Variants in CCNB2 observed in about 807,000 individuals in gnomAD.
The protein encoded by CCNB2 is cyclin B2, also known as G2/mitotic-specific cyclin-B2.
CCNB2 carries 39 observed loss-of-function variants against 51.1 expected under a neutral mutation model. The observed-to-expected ratio is 0.76, with a 90% confidence interval of 0.59 to 1.00. The LOEUF (loss-of-function observed/expected upper bound fraction) is 1.00. Ranked by LOEUF, CCNB2 falls within the 50% of genes least tolerant of loss-of-function variation. The pLI is 0.00. For synonymous variants in CCNB2, 174 were observed against 165.5 expected, an observed-to-expected ratio of 1.05 and a Z score of -0.40; for missense variants, 472 against 470.3, an observed-to-expected ratio of 1.00 and a Z score of -0.03.
chr15:59,116,398 T>C (rs1198269100), intron 5 of CCNB2, among the ~76,000 whole-genome samples: 4 of 152,242 alleles, frequency 2.6e-5, no homozygotes, highest in African/African-American at 9.6e-5. Context: ...GCATGGTGTC[T>C]GAATCTGTTC....
intron 7 of CCNB2, chr15:59,121,031 G>A (rs1489765575): frequency 3.6e-5 from 5 of 139,830 alleles, no homozygotes; most frequent in Non-Finnish European, 7.9e-5. Flanking sequence ...GAACTGCCTC[G>A]ATGCTTAAAA....
chr15:59,114,638 T>C (rs778079480), intron 4 of CCNB2, 24 bp downstream of exon 4: 4 of 1,585,144 alleles, frequency 2.5e-6, no homozygotes, highest in Admixed American at 3.5e-5. Flanking sequence ...TGTGTTTTGG[T>C]TGTATAAGCA....
chr15:59,123,503 T>A lies in CCNB2; in HGVS notation c.976-14T>A. ...CCCTCAGTCATGTCTGTCTGTCTGC[T>A]TCTTGTGTTTCAGAACTTAAAGCAG... On this transcript the variant is annotated splice_polypyrimidine_tract_variant and intron_variant, in intron 7 of 8. Coordinates refer to ENST00000288207, the MANE Select transcript of CCNB2 (RefSeq NM_004701.4). The A allele has an allele frequency of 6.6e-7, 1 of 1,522,140 alleles. No individual in the cohort carries two copies. Among genetic ancestry groups the A allele is most frequent in the Non-Finnish European group, 9.1e-7 (1 of 1,096,476 alleles). 94.3% of individuals were successfully genotyped at this position (1,522,140 alleles called of 1,614,324 possible).
chr15:59,117,394 T>C (rs150819267), intron 7 of CCNB2, 26 bp downstream of exon 7: 1 of 1,606,216 alleles, frequency 6.2e-7, no homozygotes, highest in Non-Finnish European at 8.5e-7. Context: ...AAGAAGAAAC[T>C]AATTAGGCTA....
At position 59,116,753 on chromosome 15, in the gene CCNB2, A is replaced by G; in HGVS notation, c.661A>G (p.Lys221Glu). Reference protein sequence around the residue: ...VGITALLLASKYEEMFSPNIE... With the variant: ...VGITALLLASEYEEMFSPNIE... Reference sequence around the variant, plus strand: ...GATTACTGCTCTGCTCTTGGCTTCCAAGTATGAGGAGATGTTTTCTCCAAA... The same window carrying G: ...GATTACTGCTCTGCTCTTGGCTTCCGAGTATGAGGAGATGTTTTCTCCAAA... Residue 221 changes from lysine (K) to glutamate (E), a missense_variant, in exon 6 of 9, where the codon AAG becomes GAG. Lys to Glu is a moderately conservative substitution (Grantham distance 56, BLOSUM62 1). Transcript: ENST00000288207. The G allele has an allele frequency of 1.2e-6, 2 of 1,613,486 alleles. No homozygotes were observed. Among genetic ancestry groups the G allele is most frequent in the Non-Finnish European group, 1.7e-6 (2 of 1,180,024 alleles).
chr15:59,122,239 A>ATCTTTTTT (rs2079305506), intron 7 of CCNB2, among the ~76,000 whole-genome samples: 1 of 97,442 alleles, frequency 1.0e-5, no homozygotes, highest in Non-Finnish European at 2.1e-5. Flanking sequence ...CAGTTGACAT[A>ATCTTTTTT]TCTTTTTTTT....
At chr15:59,107,221 G>T in intron 1 of CCNB2, 101 bp from the exon 2 acceptor site, 1 of 1,042,430 alleles carries the variant, frequency 9.6e-7, no homozygotes, top group African/African-American at 1.6e-5. Context: ...AGATCTTGAC[G>T]TATTGTCCTT....
chr15:59,110,079 A>G (rs1266698805), intron 3 of CCNB2, among the ~76,000 whole-genome samples: 2 of 152,116 alleles, frequency 1.3e-5, no homozygotes, highest in Non-Finnish European at 2.9e-5. Context: ...AGAAGAAAAG[A>G]AGGCTTTTTT....
At chr15:59,118,126 A>C (rs578168498) in intron 7 of CCNB2, among the ~76,000 whole-genome samples, 24 of 152,388 alleles carry the variant, frequency 1.6e-4, no homozygotes, top group African/African-American at 5.3e-4. Flanking sequence ...AAGACAAAGG[A>C]AGGCCAAGGC....
chr15:59,120,882 C>CAA (rs2079299198), intron 7 of CCNB2, among the ~76,000 whole-genome samples: 1 of 152,186 alleles, frequency 6.6e-6, no homozygotes, highest in Admixed American at 6.5e-5. Flanking sequence ...CTCAGCATTA[C>CAA]CACTGGCAGA....
chr15:59,109,734 C>T (rs1291984740), intron 3 of CCNB2, among the ~76,000 whole-genome samples: 2 of 152,234 alleles, frequency 1.3e-5, no homozygotes, highest in Admixed American at 1.3e-4. Flanking sequence ...CGCCTGTAAT[C>T]CCAGCACTTT....
chr15:59,118,550 G>T (rs1403634305), intron 7 of CCNB2, among the ~76,000 whole-genome samples: 1 of 152,208 alleles, frequency 6.6e-6, no homozygotes, highest in Non-Finnish European at 1.5e-5. Context: ...CAGGCATGGT[G>T]GCAGCTGCCT....
At chr15:59,105,389 C>A in intron 1 of CCNB2, 97 bp downstream of exon 1, 1 of 1,363,900 alleles carries the variant, frequency 7.3e-7, no homozygotes, top group Non-Finnish European at 1.0e-6. Context: ...CCGTCCCAAC[C>A]GGGGCTGCTT....
rs549813074 is a variant in CCNB2, at chr15:59,110,842, A to G, written c.267+3172A>G. ...AGAAAATGGTGTTTTTTGCTGATTA[A>G]TGAGGCTTTGGTAAACACAGTAGTT... On this transcript the variant is annotated intron_variant, in intron 3 of 8. Coordinates refer to ENST00000288207, the MANE Select transcript of CCNB2 (RefSeq NM_004701.4). Among the ~76,000 whole-genome samples the G allele has an allele frequency of 3.3e-5, 5 of 152,276 alleles. No individual in the cohort carries two copies. The South Asian group carries it at 6.2e-4, about 19-fold the overall frequency.
At chr15:59,112,602 C>A (rs2140287152) in intron 3 of CCNB2, among the ~76,000 whole-genome samples, 1 of 152,010 alleles carries the variant, frequency 6.6e-6, no homozygotes, top group African/African-American at 2.4e-5. Flanking sequence ...ACCTTGGCCT[C>A]CCAAAGTGCT....
At chr15:59,122,184 T>G (rs1431736525) in intron 7 of CCNB2, among the ~76,000 whole-genome samples, 2 of 151,420 alleles carry the variant, frequency 1.3e-5, no homozygotes. Context: ...GAAAAAAACG[T>G]ACTTTCGCTT....
At chr15:59,123,452 C>T (rs2079311724) in intron 7 of CCNB2, 65 bp from the exon 8 acceptor site, 2 of 884,630 alleles carry the variant, frequency 2.3e-6, no homozygotes, top group South Asian at 2.8e-5. Flanking sequence ...ATGTGTTCTT[C>T]TAAAGAAGCA....
At chr15:59,112,959 G>A (rs1178454829) in intron 3 of CCNB2, among the ~76,000 whole-genome samples, 3 of 151,724 alleles carry the variant, frequency 2.0e-5, no homozygotes, top group Admixed American at 6.6e-5. Flanking sequence ...GCGTGAACCC[G>A]GGAGGCGGAG....
Position 59,107,444 on chromosome 15 carries a change from A to G in CCNB2, c.147A>G (p.Val49=). The change falls in exon 2 of 9, where the codon GTA becomes GTG. Residue 49 remains valine (V), a synonymous_variant. Coordinates refer to ENST00000288207, the MANE Select transcript of CCNB2 (RefSeq NM_004701.4). ...GNRVTTRAAQ[V]AKKAQNTKVP... is the part of the protein sequence containing the mutation. ...GAGTTACAACCAGAGCAGCACAAGT[A>G]GCTAAGGTAACAATGATGAAGACTG... 6.2e-7 allele frequency: 1 copy of G among 1,614,166 alleles called. No homozygotes were observed. Among genetic ancestry groups the G allele is most frequent in the Non-Finnish European group, 8.5e-7 (1 of 1,180,024 alleles).
Sources: allele counts gnomAD v4.1 joint callset (sites outside exome capture counted in the v4.1 genomes callset), GRCh38; gene constraint gnomAD v4.1.1; transcripts MANE v1.5; gene names NCBI Gene and HGNC (gene_info 2026-07-23, HGNC 2026-07-21).